The following CAMTA1 variants were observed in gnomAD, a reference collection of about 807,000 sequenced individuals.
CAMTA1 encodes the protein calmodulin-binding transcription activator 1.
In CAMTA1, 27 loss-of-function variants were observed where a neutral mutation model predicts 170.9. That is an observed-to-expected ratio of 0.16 (90% confidence interval 0.12 to 0.22). The LOEUF (loss-of-function observed/expected upper bound fraction) is 0.22, where lower values mean the gene tolerates loss of function less well. Among genes scored for constraint, CAMTA1 ranks in the 10% least tolerant of loss-of-function variants. The probability of loss-of-function intolerance (pLI) is 1.00; values close to 1 mark genes in which losing one functional copy is unlikely to be tolerated. For missense variants in CAMTA1, 1,619 were observed against 2,217.2 expected, an observed-to-expected ratio of 0.73 and a Z score of 5.42; for synonymous variants, 833 against 891.5, an observed-to-expected ratio of 0.93 and a Z score of 1.17.
At chr1:7,755,974 C>A (rs962150004) in intron 22 of CAMTA1, among the ~76,000 whole-genome samples, 4 of 152,138 alleles carry the variant, frequency 2.6e-5, no homozygotes, top group Admixed American at 1.3e-4. Flanking sequence ...GGCTGGCAGG[C>A]CACGTACACG....
intron 18 of CAMTA1, 38 bp downstream of exon 18, chr1:7,746,129 A>G (rs1558287417): frequency 6.2e-7 from 1 of 1,601,206 alleles, no homozygotes; most frequent in African/African-American, 1.3e-5. Flanking sequence ...TGACATTCTT[A>G]AGATCAGAGA....
chr1:7,309,286 A>ATTTTTTT (rs1557486806), intron 5 of CAMTA1, among the ~76,000 whole-genome samples: 1 of 142,894 alleles, frequency 7.0e-6, no homozygotes, highest in African/African-American at 2.6e-5. Flanking sequence ...GCAGTTAGAA[A>ATTTTTTT]ATTTTTTTTT....
rs3061932 is a variant in CAMTA1, at chr1:6,822,794, CCACACA to C, written c.116-2271_116-2266del. On this transcript the variant is annotated intron_variant, in intron 2 of 22. Transcript: ENST00000303635. ...GAAGAGTACCTTTATTACATAAATA[CCACACA>C]CACACACACACACACACACACACAC... 4.3e-3 allele frequency among the ~76,000 whole-genome samples: 631 copies of C among 146,568 alleles called. 2 individuals carry two copies. Among genetic ancestry groups the C allele is most frequent in the African/African-American group, 0.012 (490 of 39,810 alleles).
At chr1:7,667,254 C>G (rs540664243) in intron 9 of CAMTA1, among the ~76,000 whole-genome samples, 21 of 152,238 alleles carry the variant, frequency 1.4e-4, no homozygotes, top group African/African-American at 5.1e-4. Flanking sequence ...ACCACACCCC[C>G]CACCCCACCC....
chr1:7,730,831 G>A (rs892887400), intron 11 of CAMTA1, among the ~76,000 whole-genome samples: 4 of 151,930 alleles, frequency 2.6e-5, no homozygotes, highest in South Asian at 2.1e-4. Context: ...CTCAGGAGGC[G>A]GAGGTTGCAG....
rs1353496472 is a variant in CAMTA1, at chr1:7,214,855, C to CT, written c.303-34633dup. 5.5e-3 allele frequency among the ~76,000 whole-genome samples: 440 copies of CT among 79,340 alleles called. 2 individuals are homozygous for CT. Among genetic ancestry groups the CT allele is most frequent in the African/African-American group, 0.024 (314 of 13,100 alleles). The allele number at this position is 79,340 out of a possible 152,430, so 52.1% of individuals were successfully genotyped here. On this transcript the variant is annotated intron_variant, in intron 4 of 22. Transcript: ENST00000303635. ...AGACTTTGGTGGAGACTTTTTCTTT[C>CT]TTTCTTTTTTTTTTTTTTGCCTGTG...
intron 3 of CAMTA1, among the ~76,000 whole-genome samples, chr1:7,061,202 A>G (rs942424913): frequency 3.3e-5 from 5 of 152,142 alleles, no homozygotes; most frequent in African/African-American, 1.2e-4. Flanking sequence ...ACAAATGTTA[A>G]CCAAGCTCCC....
In CAMTA1 at chr1:7,587,079, G is replaced by A. The variant is rs560838854; in HGVS notation, c.511-53321G>A. On this transcript the variant is annotated intron_variant, in intron 6 of 22. Coordinates refer to ENST00000303635, the MANE Select transcript of CAMTA1 (RefSeq NM_015215.4). ...GGGAGGGGTTTCAATGCCTAGAATT[G>A]TTCCTATTCCCCAGTCATTCTATCT... 6.6e-5 allele frequency among the ~76,000 whole-genome samples: 10 copies of A among 150,872 alleles called. 2 individuals carry two copies. In the South Asian group the frequency reaches 2.1e-3, roughly 32 times the overall value.
At chr1:7,031,842 A>G (rs1702863866) in intron 3 of CAMTA1, among the ~76,000 whole-genome samples, 1 of 151,842 alleles carries the variant, frequency 6.6e-6, no homozygotes, top group African/African-American at 2.4e-5. Flanking sequence ...CGCCCAGCCA[A>G]TCTCTGTCTT....
At chr1:7,679,584 C>A (rs1034305866) in intron 11 of CAMTA1, among the ~76,000 whole-genome samples, 1 of 151,844 alleles carries the variant, frequency 6.6e-6, no homozygotes, top group Non-Finnish European at 1.5e-5. Context: ...TGCCCCCCCC[C>A]CCAGAACTTT....
At chr1:7,118,349 GT>G (rs1447434209) in intron 4 of CAMTA1, among the ~76,000 whole-genome samples, 1 of 146,302 alleles carries the variant, frequency 6.8e-6, no homozygotes, top group African/African-American at 2.6e-5. Context: ...CTGGAGTGCA[GT>G]GGTGCAGTCT....
At chr1:7,019,055 C>T (rs1031634777) in intron 3 of CAMTA1, among the ~76,000 whole-genome samples, 4 of 152,194 alleles carry the variant, frequency 2.6e-5, no homozygotes, top group African/African-American at 7.2e-5. Flanking sequence ...GGTGGATGCC[C>T]GCATGCCTTT....
At chr1:7,413,922 G>A (rs1387201478) in intron 5 of CAMTA1, among the ~76,000 whole-genome samples, 6 of 152,074 alleles carry the variant, frequency 3.9e-5, no homozygotes, top group Admixed American at 6.6e-5. Flanking sequence ...TGATTTTGAC[G>A]TACATCCCAT....
rs1297067485 is a variant in CAMTA1, at chr1:7,065,415, A to G, written c.235-25889A>G. 6.6e-6 allele frequency among the ~76,000 whole-genome samples: 1 copy of G among 152,186 alleles called. No individual in the cohort carries two copies. The highest frequency in any genetic ancestry group is 6.5e-5 in the Admixed American group (1 of 15,282). On this transcript the variant is annotated intron_variant, in intron 3 of 22. Transcript: ENST00000303635. This position sits in a 1 kb window ranked among gnomAD's most constrained non-coding sequence, Gnocchi z 5.2. The stretch of plus-strand genomic sequence containing the variant: ...CAGCGGGAAGTTTTGTAGTGAATAT[A>G]GAGGAGACGAAAAAGAATGGGGATG...
chr1:6,916,087 A>G (rs1680720754), intron 3 of CAMTA1, among the ~76,000 whole-genome samples: 1 of 152,248 alleles, frequency 6.6e-6, no homozygotes, highest in East Asian at 1.9e-4. Context: ...AGAGGCGACC[A>G]GGCTGCCAGA....
At chr1:7,127,974 C>T (rs983826104) in intron 4 of CAMTA1, among the ~76,000 whole-genome samples, 1 of 152,230 alleles carries the variant, frequency 6.6e-6, no homozygotes, top group Non-Finnish European at 1.5e-5. Flanking sequence ...ACTGCTTGTA[C>T]AAACCATGCC....
rs1342726209 is a variant in CAMTA1 at position 7,325,847 on chromosome 1, T to C, written c.438+76221T>C. 3.4e-5 allele frequency among the ~76,000 whole-genome samples: 5 copies of C among 145,586 alleles called. No homozygotes were observed. Among genetic ancestry groups the C allele is most frequent in the African/African-American group, 1.2e-4 (5 of 40,648 alleles). On this transcript the variant is annotated intron_variant, in intron 5 of 22. Coordinates refer to ENST00000303635, the MANE Select transcript of CAMTA1 (RefSeq NM_015215.4). The surrounding 1 kb of genome is among the most constrained non-coding windows in gnomAD (Gnocchi z 5.0). ...CCAGGTTTGGTTTGTTGTTGGTGGG[T>C]TTTTTTGTTTGTTTGTTTGTTTGTT... is the stretch of plus-strand genomic sequence containing the variant.
At chr1:6,843,271 T>C (rs537149663) in intron 3 of CAMTA1, among the ~76,000 whole-genome samples, 2 of 152,328 alleles carry the variant, frequency 1.3e-5, no homozygotes, top group Non-Finnish European at 2.9e-5. Flanking sequence ...TTTCTACAGC[T>C]TAAGGTTCTT....
At chr1:7,004,085 C>T (rs144453806) in intron 3 of CAMTA1, among the ~76,000 whole-genome samples, 3 of 152,272 alleles carry the variant, frequency 2.0e-5, no homozygotes, top group African/African-American at 7.2e-5. Flanking sequence ...AATTGCCCAA[C>T]ATGCTTAGGA....
Sources: gnomAD v4.1 joint callset for allele counts (sites outside exome capture counted in the v4.1 genomes callset) on GRCh38, gnomAD v4.1.1 for gene constraint, Gnocchi (gnomAD v3.1) non-coding constraint, MANE v1.5 for transcripts, NCBI Gene and HGNC (gene_info 2026-07-23, HGNC 2026-07-21) for gene names.